The following GCC2 variants were observed in gnomAD, a reference collection of about 807,000 sequenced individuals.
GCC2 encodes the protein GRIP and coiled-coil domain containing 2, also known as GRIP and coiled-coil domain-containing protein 2.
A neutral mutation model predicts 210.6 loss-of-function variants in GCC2; 120 were observed. That is an observed-to-expected ratio of 0.57 (90% CI 0.49 to 0.66). GCC2 has a LOEUF of 0.66. Ranked by LOEUF, GCC2 falls within the 30% of genes least tolerant of loss-of-function variation. The pLI is 0.00. For synonymous variants in GCC2, 703 were observed against 652.7 expected, an observed-to-expected ratio of 1.08 and a Z score of -1.17; for missense variants, 1,868 against 1,871.9, an observed-to-expected ratio of 1.00 and a Z score of 0.04.
intron 18 of GCC2, among the ~76,000 whole-genome samples, chr2:108,491,321 C>T (rs940901915): frequency 6.6e-6 from 1 of 152,132 alleles, no homozygotes; most frequent in Non-Finnish European, 1.5e-5. Flanking sequence ...AGAATAGACA[C>T]TTTACCCACC....
chr2:108,492,566 C>A lies in GCC2; in HGVS notation c.4230-7C>A. On this transcript the variant is annotated splice_region_variant and splice_polypyrimidine_tract_variant and intron_variant, in intron 18 of 22. Coordinates refer to ENST00000309863, the MANE Select transcript of GCC2 (RefSeq NM_181453.4). ...GATCTTCTGTAACTAAGTTTCTCATCTTTCAGATTGTGTTCAATACAGTCA... is the reference window on the plus strand; with the variant it reads ...GATCTTCTGTAACTAAGTTTCTCATATTTCAGATTGTGTTCAATACAGTCA... 1.3e-6 allele frequency: 2 copies of A among 1,583,332 alleles called. No individual in the cohort carries two copies. Among genetic ancestry groups the A allele is most frequent in the Non-Finnish European group, 1.7e-6 (2 of 1,152,064 alleles).
chr2:108,500,824 C>CT (rs879577228), intron 22 of GCC2, among the ~76,000 whole-genome samples: 203 of 152,194 alleles, frequency 1.3e-3, no homozygotes, highest in Non-Finnish European at 2.4e-3. Flanking sequence ...GACTTAAATC[C>CT]CACACATCAT....
chr2:108,500,100 T>C (rs1248437616), intron 22 of GCC2, among the ~76,000 whole-genome samples: 2 of 152,124 alleles, frequency 1.3e-5, no homozygotes, highest in Non-Finnish European at 2.9e-5. Flanking sequence ...AGCTTGTTCC[T>C]TTTCTACTTC....
intron 19 of GCC2, 111 bp from the exon 20 acceptor site, chr2:108,495,180 A>T (rs1682587334): frequency 1.7e-6 from 1 of 599,850 alleles, no homozygotes; most frequent in Non-Finnish European, 2.9e-6. Flanking sequence ...ATAGTTACTT[A>T]ATTCCTCTAC....
rs1682325809 is a variant in GCC2, at chr2:108,489,890, C to T, written c.4105C>T (p.Gln1369Ter). 6.2e-7 allele frequency: 1 copy of T among 1,607,974 alleles called. No homozygotes were observed. Among genetic ancestry groups the T allele is most frequent in the African/African-American group, 1.3e-5 (1 of 74,732 alleles). ...GCTAAAAATCAAATTACAAGATAGC[C>T]AAAATAACTTACAGATTAATGTATC... ...DQLKIKLQDSQNNLQINVSEL... is the reference protein window; with the variant it reads ...DQLKIKLQDS Residue 1369 changes from glutamine to a stop codon, truncating the protein, a stop_gained, in exon 18 of 23, where the codon CAA (glutamine) becomes TAA (stop). Coordinates refer to ENST00000309863, the MANE Select transcript of GCC2 (RefSeq NM_181453.4). LOFTEE classifies it high-confidence loss of function.
intron 19 of GCC2, chr2:108,494,910 T>C (rs577142787): frequency 6.4e-6 from 1 of 156,390 alleles, no homozygotes; most frequent in South Asian, 1.9e-4. Flanking sequence ...CCTCCTGGTT[T>C]CCAGCAATTC....
chr2:108,472,203 T>C, intron 6 of GCC2, 87 bp downstream of exon 6: 1 of 965,416 alleles, frequency 1.0e-6, no homozygotes, highest in Non-Finnish European at 1.4e-6. Context: ...CACCTTGACG[T>C]CAAAAGTAAA....
chr2:108,500,107 C>T (rs899209074), intron 22 of GCC2, among the ~76,000 whole-genome samples: 15 of 152,020 alleles, frequency 9.9e-5, no homozygotes, highest in Non-Finnish European at 1.0e-4. Flanking sequence ...TCCTTTTCTA[C>T]TTCACGCCTC....
At position 108,471,035 on chromosome 2, in the gene GCC2, G is replaced by A. The variant is rs779646741; in HGVS notation, c.1706G>A (p.Gly569Glu). ...NTIKNLQEKNGVYLLSLSQRD... is the reference protein window; with the variant it reads ...NTIKNLQEKNEVYLLSLSQRD... Reference sequence around the variant, plus strand: ...ATAAAGAACCTTCAAGAAAAGAATGGAGTATACTTACTTAGTCTCAGTCAA... The same window carrying A: ...ATAAAGAACCTTCAAGAAAAGAATGAAGTATACTTACTTAGTCTCAGTCAA... Residue 569 changes from glycine (G) to glutamate (E), a missense_variant, in exon 6 of 23, where the codon GGA becomes GAA. This residue lies in a region of GCC2 where 1,847 missense variants were observed against 1,765.2 expected (regional missense o/e 1.05). Coordinates refer to ENST00000309863, the MANE Select transcript of GCC2 (RefSeq NM_181453.4). 1.9e-6 allele frequency: 3 copies of A among 1,605,700 alleles called. No individual in the cohort carries two copies. The South Asian group carries it at 3.3e-5, about 18-fold the overall frequency.
Position 108,484,094 on chromosome 2 carries a change from T to A in GCC2, c.3451-55T>A, listed in dbSNP as rs540124429. The A allele has an allele frequency of 4.7e-5, 58 of 1,224,818 alleles. No homozygotes were observed. In the East Asian group the frequency reaches 1.1e-3, roughly 23 times the overall value. 75.9% of individuals were successfully genotyped at this position (1,224,818 alleles called of 1,614,324 possible). Reference sequence around the variant, plus strand: ...GCAATTTTACAAATGAAAAAAAAAATTTACAAATGAACTGATCTACTATTG... The same window carrying A: ...GCAATTTTACAAATGAAAAAAAAAAATTACAAATGAACTGATCTACTATTG... On this transcript the variant is annotated intron_variant, in intron 12 of 22. Transcript: ENST00000309863.
At chr2:108,453,449 A>G (rs956413913) in intron 4 of GCC2, among the ~76,000 whole-genome samples, 2 of 152,196 alleles carry the variant, frequency 1.3e-5, no homozygotes, top group African/African-American at 4.8e-5. Flanking sequence ...CTTATATAAT[A>G]CTGCCAGATA....
At chr2:108,493,916 C>G (rs1158117100) in intron 19 of GCC2, 42 of 985,156 alleles carry the variant, frequency 4.3e-5, no homozygotes, top group Non-Finnish European at 4.6e-5. Context: ...AGGACTAAGG[C>G]AACTTAATGA....
chr2:108,494,506 A>C (rs1388689624), intron 19 of GCC2: 1 of 152,232 alleles, frequency 6.6e-6, no homozygotes, highest in African/African-American at 2.4e-5. Flanking sequence ...AGCAACAATT[A>C]AGAAGCTGCA....
intron 19 of GCC2, chr2:108,494,627 G>C (rs1371185519): frequency 6.6e-6 from 1 of 152,150 alleles, no homozygotes; most frequent in Non-Finnish European, 1.5e-5. Flanking sequence ...AAAATTGCTA[G>C]AATCTAGTCT....
Position 108,495,343 on chromosome 2 carries a change from A to G in GCC2, c.4500A>G (p.Thr1500=). ...AGAACCTTCGAGAAAGGAGAAACACAGACCTCCCGCTTCTAGACATGCACA... is the reference window on the plus strand; with the variant it reads ...AGAACCTTCGAGAAAGGAGAAACACGGACCTCCCGCTTCTAGACATGCACA... The part of the protein sequence containing the change: ...SLKNLRERRN[T]DLPLLDMHTV... Residue 1500 remains threonine, a synonymous_variant, in exon 20 of 23, where the codon ACA becomes ACG. Transcript: ENST00000309863. 2 of 1,578,482 alleles carry G rather than the reference A, an allele frequency of 1.3e-6. No individual in the cohort carries two copies. Among genetic ancestry groups the G allele is most frequent in the Non-Finnish European group, 1.7e-6 (2 of 1,167,102 alleles).
At position 108,471,927 on chromosome 2, in the gene GCC2, T is replaced by C. The variant is rs749167273; in HGVS notation, c.2598T>C (p.Asn866=). The C allele has an allele frequency of 5.0e-6, 8 of 1,602,300 alleles. No individual in the cohort carries two copies. The highest frequency in any genetic ancestry group is 8.5e-7 in the Non-Finnish European group (1 of 1,176,734). Residue 866 remains asparagine (N), a synonymous_variant, in exon 6 of 23, where the codon AAT becomes AAC. Coordinates refer to ENST00000309863, the MANE Select transcript of GCC2 (RefSeq NM_181453.4). ...ALQSDLLEMK[N]ANEKTRLENQ... ...AGTCTGATCTTCTAGAAATGAAGAA[T>C]GCTAATGAAAAAACAAGGCTTGAAA... is the stretch of plus-strand genomic sequence containing the variant.
At position 108,451,116 on chromosome 2, in the gene GCC2, T is replaced by C. The variant is rs775473590; in HGVS notation, c.148+4T>C. 1 of 1,575,336 alleles carries C rather than the reference T, an allele frequency of 6.3e-7. No individual in the cohort carries two copies. The highest frequency in any genetic ancestry group is 1.1e-5 in the South Asian group (1 of 89,276). On this transcript the variant is annotated splice_donor_region_variant and intron_variant, in intron 3 of 22. Transcript: ENST00000309863. ...AAAGCTAAATCAAGGTGTACAGGTA[T>C]TGGGTTGAAAATACTCATCTTGATC...
At chr2:108,462,968 C>G (rs1225814416) in intron 4 of GCC2, among the ~76,000 whole-genome samples, 1 of 151,814 alleles carries the variant, frequency 6.6e-6, no homozygotes, top group Non-Finnish European at 1.5e-5. Flanking sequence ...TTTGCTTGAT[C>G]TAGTCCATTG....
chr2:108,456,550 T>C (rs1426045105), intron 4 of GCC2, among the ~76,000 whole-genome samples: 1 of 152,194 alleles, frequency 6.6e-6, no homozygotes, highest in Non-Finnish European at 1.5e-5. Context: ...TATTTTTTAA[T>C]GTTGTGTTGT....
Sources: allele counts gnomAD v4.1 joint callset (sites outside exome capture counted in the v4.1 genomes callset), GRCh38; gene constraint gnomAD v4.1.1; regional missense constraint gnomAD v4.1.1; transcripts MANE v1.5; gene names NCBI Gene and HGNC (gene_info 2026-07-23, HGNC 2026-07-21).